The following SLC25A53 variants were observed in gnomAD, a reference collection of about 807,000 sequenced individuals.
SLC25A53 encodes mitochondrial carrier triple repeat protein 6.
Under a neutral mutation model 15.0 loss-of-function variants are expected in SLC25A53, and 5 were observed. The observed-to-expected ratio is 0.33, with a 90% CI of 0.17 to 0.70. The LOEUF (loss-of-function observed/expected upper bound fraction) is 0.70. Among genes scored for constraint, SLC25A53 ranks in the 30% least tolerant of loss-of-function variants. SLC25A53 has a pLI of 0.67. For missense variants in SLC25A53, 216 were observed against 241.6 expected (o/e 0.89, Z 0.70); for synonymous variants, 95 against 100.0 (o/e 0.95, Z 0.30).
At chrX:104,147,478 C>T (rs1401032069) in intron 1 of SLC25A53, among the ~76,000 whole-genome samples, 4 of 108,824 alleles carry the variant, frequency 3.7e-5, no homozygotes, top group Non-Finnish European at 5.7e-5. Flanking sequence ...AGAGCTTCTG[C>T]ACAGCAAAAG....
chrX:104,127,869 C>T (rs892530510), intron 1 of SLC25A53, among the ~76,000 whole-genome samples: 20 of 111,150 alleles, frequency 1.8e-4, no homozygotes, highest in African/African-American at 6.6e-4. Flanking sequence ...GAGGCTGAGG[C>T]TCAAGAATGG....
At chrX:104,142,531 C>T (rs2147878366) in intron 1 of SLC25A53, among the ~76,000 whole-genome samples, 1 of 111,271 alleles carries the variant, frequency 9.0e-6, no homozygotes, top group Non-Finnish European at 1.9e-5. Context: ...ATAAACAACT[C>T]GAGATAATTG....
rs149863249 is a variant in SLC25A53 at position 104,104,667 on chromosome X, G to A, written c.591C>T (p.Asp197=). 3.3e-6 allele frequency: 4 copies of A among 1,209,628 alleles called. No homozygotes were observed. The highest frequency in any genetic ancestry group is 1.8e-5 in the African/African-American group (1 of 57,031). Residue 197 remains aspartate, a synonymous_variant, in exon 2 of 2, where the codon GAC becomes GAT. Coordinates refer to ENST00000594199, the MANE Select transcript of SLC25A53 (RefSeq NM_001012755.5). ...GCTCTGCCAGGCCATCCTGGATGGGGTCCTTGAAAGAAAAATATAGAGCAC... is the reference window on the plus strand; with the variant it reads ...GCTCTGCCAGGCCATCCTGGATGGGATCCTTGAAAGAAAAATATAGAGCAC... ...LGSALYFSFK[D]PIQDGLAEQG... is the part of the protein sequence containing the mutation.
chrX:104,134,564 T>C (rs2075432405), intron 1 of SLC25A53, among the ~76,000 whole-genome samples: 1 of 111,681 alleles, frequency 9.0e-6, no homozygotes, highest in Non-Finnish European at 1.9e-5. Flanking sequence ...TTACTTTATC[T>C]CTCTGTTCCT....
intron 1 of SLC25A53, among the ~76,000 whole-genome samples, chrX:104,146,500 A>G (rs1928402226): frequency 1.8e-5 from 2 of 111,545 alleles, no homozygotes; most frequent in African/African-American, 6.5e-5. Flanking sequence ...CAGTTAGGAA[A>G]AGAGGAAGTC....
At chrX:104,111,496 AAAG>A (rs201407790) in intron 1 of SLC25A53, among the ~76,000 whole-genome samples, 1,672 of 111,516 alleles carry the variant, frequency 0.015, 36 homozygotes, top group African/African-American at 0.052. Context: ...AAAGAAAAAA[AAAG>A]AAGAAAAGAA....
At chrX:104,153,250 A>G (rs1313647562) in intron 1 of SLC25A53, among the ~76,000 whole-genome samples, 1 of 54,131 alleles carries the variant, frequency 1.8e-5, no homozygotes, top group African/African-American at 7.7e-5. Flanking sequence ...GTGTGTGTAT[A>G]TATATATATA....
chrX:104,108,145 G>A (rs1262560337), intron 1 of SLC25A53, among the ~76,000 whole-genome samples: 1 of 111,384 alleles, frequency 9.0e-6, no homozygotes, highest in African/African-American at 3.3e-5. Flanking sequence ...AGGGGAGTTC[G>A]TGTTTCTCCC....
intron 1 of SLC25A53, among the ~76,000 whole-genome samples, chrX:104,135,140 C>A (rs1357549699): frequency 2.7e-4 from 30 of 111,019 alleles, no homozygotes; most frequent in Non-Finnish European, 1.9e-4. Flanking sequence ...ATCTCCCTGG[C>A]TATTCTTTTT....
chrX:104,149,916 T>C lies in SLC25A53; in HGVS notation c.-32+6962A>G, dbSNP rs2075479863. On this transcript the variant is annotated intron_variant, in intron 1 of 1. Transcript: ENST00000594199. ...CACCTCAGGAGACTAATATTTTAAC[T>C]GAGGCTCCTAAGCTCTGTTAGATAG... Among the ~76,000 whole-genome samples the C allele has an allele frequency of 2.7e-5, 3 of 111,223 alleles. No individual in the cohort carries two copies. In the South Asian group the frequency reaches 1.1e-3, roughly 42 times the overall value.
intron 1 of SLC25A53, among the ~76,000 whole-genome samples, chrX:104,122,081 T>C (rs1179117449): frequency 7.7e-5 from 8 of 104,081 alleles, no homozygotes; most frequent in Admixed American, 3.1e-4. Context: ...CTGATTCTTC[T>C]GTATTCTACC....
intron 1 of SLC25A53, among the ~76,000 whole-genome samples, chrX:104,136,523 G>A (rs1663924415): frequency 8.9e-6 from 1 of 112,039 alleles, no homozygotes; most frequent in Non-Finnish European, 1.9e-5. Flanking sequence ...GAAAAAATCT[G>A]ACGTGGACAG....
chrX:104,109,186 A>T (rs2075326703), intron 1 of SLC25A53, among the ~76,000 whole-genome samples: 2 of 111,141 alleles, frequency 1.8e-5, no homozygotes, highest in Non-Finnish European at 3.8e-5. Context: ...GGGCTGGCCT[A>T]CCCCATGTGG....
At chrX:104,114,792 T>C (rs1556360672) in intron 1 of SLC25A53, 3 of 1,211,224 alleles carry the variant, frequency 2.5e-6, no homozygotes, top group Middle Eastern at 2.3e-4. Context: ...ATGCTTTTAT[T>C]AAACGGAAGC....
intron 1 of SLC25A53, among the ~76,000 whole-genome samples, chrX:104,120,431 T>C (rs1356315068): frequency 8.9e-6 from 1 of 112,308 alleles, no homozygotes; most frequent in African/African-American, 3.2e-5. Context: ...TATTATTACA[T>C]TTAGTTCAAG....
intron 1 of SLC25A53, among the ~76,000 whole-genome samples, chrX:104,140,288 G>A (rs1556367300): frequency 9.7e-6 from 1 of 103,303 alleles, no homozygotes; most frequent in Non-Finnish European, 2.0e-5. Context: ...ACCACACCCT[G>A]ATAATTTTTG....
chrX:104,130,073 G>A (rs1258886063), intron 1 of SLC25A53, among the ~76,000 whole-genome samples: 3 of 110,821 alleles, frequency 2.7e-5, no homozygotes, highest in African/African-American at 6.6e-5. Context: ...TTATCAGCAC[G>A]CGGAAGTCTG....
In SLC25A53 at chrX:104,144,195, C is replaced by T. The variant is rs190595221; in HGVS notation, c.-32+12683G>A. Among the ~76,000 whole-genome samples, 510 of 111,647 alleles carry T rather than the reference C, an allele frequency of 4.6e-3. 2 individuals carry two copies. Among genetic ancestry groups the T allele is most frequent in the Non-Finnish European group, 7.1e-3 (377 of 53,193 alleles). ...GCTATGAAGAAACTGCATCAACTAA[C>T]GGGCAAAATAACCAGTTAGCATCAT... On this transcript the variant is annotated intron_variant, in intron 1 of 1. Transcript: ENST00000594199.
At chrX:104,155,825 C>T (rs1556371281) in intron 1 of SLC25A53, among the ~76,000 whole-genome samples, 1 of 110,721 alleles carries the variant, frequency 9.0e-6, no homozygotes, top group Non-Finnish European at 1.9e-5. Context: ...AGGCGGATCA[C>T]TTGAGGTCAG....
Sources: gnomAD v4.1 joint callset for allele counts (sites outside exome capture counted in the v4.1 genomes callset) on GRCh38, gnomAD v4.1.1 for gene constraint, MANE v1.5 for transcripts, NCBI Gene and HGNC (gene_info 2026-07-23, HGNC 2026-07-21) for gene names.